Variants in KAZN observed in about 807,000 individuals in gnomAD.
KAZN encodes kazrin, periplakin interacting protein, also known as kazrin.
Under a neutral mutation model 87.4 loss-of-function variants are expected in KAZN, and 40 were observed. The observed-to-expected ratio is 0.46, with a 90% confidence interval of 0.36 to 0.60. The LOEUF (loss-of-function observed/expected upper bound fraction) is 0.60, where lower values mean the gene tolerates loss of function less well. Among genes scored for constraint, KAZN ranks in the 20% least tolerant of loss-of-function variants. KAZN has a pLI of 0.00. For synonymous variants in KAZN, 466 were observed against 458.3 expected, an observed-to-expected ratio of 1.02 and a Z score of -0.22; for missense variants, 898 against 1,073.9, an observed-to-expected ratio of 0.84 and a Z score of 2.29.
intron 12 of KAZN, 102 bp downstream of exon 12, chr1:15,103,562 A>C (rs1641172527): frequency 3.8e-6 from 3 of 793,226 alleles, no homozygotes; most frequent in African/African-American, 1.7e-5. Context: ...ATCAATATGC[A>C]GATCTCATGC....
At position 14,114,326 on chromosome 1, in the gene KAZN, G is replaced by T. The variant is rs551322585; in HGVS notation, c.92-66109G>T. 3.3e-5 allele frequency among the ~76,000 whole-genome samples: 5 copies of T among 152,236 alleles called. No individual in the cohort carries two copies. The South Asian group carries it at 1.0e-3, about 32-fold the overall frequency. The stretch of plus-strand genomic sequence containing the variant: ...CAGTGCACTTTTGAGGCAGGACTTT[G>T]ATGCTCCCCATGGCTCTCTTTTAAC... On this transcript the variant is annotated intron_variant, in intron 1 of 16. Transcript: ENST00000636203.
intron 2 of KAZN, among the ~76,000 whole-genome samples, chr1:14,405,992 C>A (rs953951709): frequency 6.6e-6 from 1 of 152,056 alleles, no homozygotes; most frequent in African/African-American, 2.4e-5. Context: ...AATCGGTGCA[C>A]AAAATGAGAA....
At chr1:14,399,441 G>C (rs937417600) in intron 2 of KAZN, among the ~76,000 whole-genome samples, 4 of 152,124 alleles carry the variant, frequency 2.6e-5, no homozygotes, top group African/African-American at 9.7e-5. Context: ...TTTAATGATG[G>C]AAAGTCTAGA....
At chr1:14,905,234 T>A (rs1411239616) in intron 1 of KAZN, among the ~76,000 whole-genome samples, 1 of 152,176 alleles carries the variant, frequency 6.6e-6, no homozygotes, top group African/African-American at 2.4e-5. Context: ...ATGTTTTGTA[T>A]TTTGAGTAGA....
At chr1:14,604,928 TCTC>T (rs1349078491) in intron 1 of KAZN, among the ~76,000 whole-genome samples, 7 of 152,152 alleles carry the variant, frequency 4.6e-5, no homozygotes, top group African/African-American at 7.2e-5. Flanking sequence ...CCAGCTCCCT[TCTC>T]CTCTGTCCTC....
intron 1 of KAZN, among the ~76,000 whole-genome samples, chr1:14,619,883 G>A (rs963399665): frequency 3.3e-5 from 5 of 152,060 alleles, no homozygotes; most frequent in African/African-American, 7.2e-5. Flanking sequence ...TCCTCTTTAC[G>A]ACCGTATAAC....
intron 2 of KAZN, among the ~76,000 whole-genome samples, chr1:14,436,590 C>T (rs1666396368): frequency 6.6e-6 from 1 of 151,880 alleles, no homozygotes; most frequent in Non-Finnish European, 1.5e-5. Flanking sequence ...TGGTGGCAGG[C>T]ACCTGTAACC....
At chr1:14,947,224 C>T (rs1279476877) in intron 1 of KAZN, among the ~76,000 whole-genome samples, 3 of 152,220 alleles carry the variant, frequency 2.0e-5, no homozygotes, top group African/African-American at 4.8e-5. Context: ...AACTAATGCG[C>T]GGCCTTCCTT....
chr1:14,032,047 T>G (rs745978529), intron 1 of KAZN, among the ~76,000 whole-genome samples: 15 of 152,186 alleles, frequency 9.9e-5, no homozygotes, highest in Non-Finnish European at 2.1e-4. Flanking sequence ...CCATACCCTC[T>G]CTTCTCTTCC....
chr1:14,792,516 TACCTCA>T (rs1187065497), intron 1 of KAZN, among the ~76,000 whole-genome samples: 1 of 152,142 alleles, frequency 6.6e-6, no homozygotes, highest in Non-Finnish European at 1.5e-5. Context: ...GAGGGTCCCT[TACCTCA>T]ACCTGGAGGT....
intron 1 of KAZN, among the ~76,000 whole-genome samples, chr1:14,616,667 C>A (rs931638301): frequency 1.3e-5 from 2 of 152,170 alleles, no homozygotes; most frequent in Non-Finnish European, 2.9e-5. Context: ...TTCTGAGATA[C>A]AAGGGAGAGG....
chr1:13,918,633 C>T (rs1464510663), intron 1 of KAZN, among the ~76,000 whole-genome samples: 1 of 152,230 alleles, frequency 6.6e-6, no homozygotes, highest in Non-Finnish European at 1.5e-5. Flanking sequence ...AGTCAAACAG[C>T]ATTGCATCTT....
rs112562595 is a variant in KAZN, at chr1:14,166,503, G to A, written c.92-13932G>A. 7.8e-3 allele frequency among the ~76,000 whole-genome samples: 1,183 copies of A among 152,154 alleles called. 13 individuals are homozygous for A. Among genetic ancestry groups the A allele is most frequent in the African/African-American group, 0.022 (925 of 41,488 alleles). ...GTGATCAGATCACCATCATCTGACC[G>A]TTTTACAAGGACCATTACATTACAC... On this transcript the variant is annotated intron_variant, in intron 1 of 16. Coordinates refer to the KAZN transcript ENST00000636203.
chr1:14,681,185 G>T (rs1267161114), intron 1 of KAZN, among the ~76,000 whole-genome samples: 1 of 152,150 alleles, frequency 6.6e-6, no homozygotes, highest in Admixed American at 6.5e-5. Flanking sequence ...CCAACACTGG[G>T]GGTTACATCG....
chr1:14,415,683 T>A (rs1664692085), intron 2 of KAZN, among the ~76,000 whole-genome samples: 1 of 152,212 alleles, frequency 6.6e-6, no homozygotes, highest in South Asian at 2.1e-4. Context: ...TGCTGTGTTG[T>A]GCAGTTTCCT....
At chr1:14,449,846 C>A (rs1667172329) in intron 2 of KAZN, among the ~76,000 whole-genome samples, 1 of 152,138 alleles carries the variant, frequency 6.6e-6, no homozygotes. Flanking sequence ...TCGGTTATTT[C>A]AAATGCATTT....
chr1:14,358,399 A>G (rs2100970744), intron 2 of KAZN, among the ~76,000 whole-genome samples: 1 of 150,192 alleles, frequency 6.7e-6, no homozygotes, highest in East Asian at 1.9e-4. Flanking sequence ...GAGTTTTTAA[A>G]TGGTTTTTCG....
chr1:14,219,366 A>C (rs1647041096), intron 2 of KAZN, among the ~76,000 whole-genome samples: 1 of 152,146 alleles, frequency 6.6e-6, no homozygotes, highest in Non-Finnish European at 1.5e-5. Context: ...TCATGGTTAC[A>C]AAGTGTTGAC....
At chr1:14,044,173 A>T (rs1402964131) in intron 1 of KAZN, among the ~76,000 whole-genome samples, 1 of 152,012 alleles carries the variant, frequency 6.6e-6, no homozygotes, top group African/African-American at 2.4e-5. Context: ...CTGCTTGCCT[A>T]ATCACCCACC....
Sources: gnomAD v4.1 joint callset for allele counts (sites outside exome capture counted in the v4.1 genomes callset) on GRCh38, gnomAD v4.1.1 for gene constraint, MANE v1.5 for transcripts, NCBI Gene and HGNC (gene_info 2026-07-23, HGNC 2026-07-21) for gene names.